The following VAV3 variants were observed in gnomAD, a reference collection of about 807,000 sequenced individuals.
The protein encoded by VAV3 is vav guanine nucleotide exchange factor 3.
VAV3 carries 94 observed loss-of-function variants against 131.2 expected under a neutral mutation model. The ratio of observed to expected loss-of-function variants is 0.72; its 90% CI spans 0.61 to 0.85. VAV3 has a LOEUF of 0.85. Ranked by LOEUF, VAV3 falls within the 40% of genes least tolerant of loss-of-function variation. The pLI, the probability that VAV3 is intolerant of heterozygous loss-of-function variation, is 0.00. For synonymous variants in VAV3, 349 were observed against 342.0 expected (o/e 1.02, Z -0.22); for missense variants, 939 against 1,002.7 (o/e 0.94, Z 0.86).
intron 17 of VAV3, among the ~76,000 whole-genome samples, chr1:107,692,438 T>C (rs868452807): frequency 3.9e-5 from 6 of 152,242 alleles, no homozygotes; most frequent in Middle Eastern, 6.8e-3. Flanking sequence ...AAGTATAAAA[T>C]TGTCTTTATG....
At position 107,891,149 on chromosome 1, in the gene VAV3, T is replaced by TAAA. The variant is rs11441971; in HGVS notation, c.205-16135_205-16133dup. Among the ~76,000 whole-genome samples the TAAA allele has an allele frequency of 6.5e-4, 96 of 147,360 alleles. 1 individual carries two copies. Among genetic ancestry groups the TAAA allele is most frequent in the African/African-American group, 2.3e-3 (91 of 39,998 alleles). ...CAATTATTGCTAGTGTCCCTTTCTT[T>TAAA]AAAAAAAAAAAAAATCTGATTTGGA... On this transcript the variant is annotated intron_variant, in intron 1 of 26. Transcript: ENST00000370056.
Position 107,770,740 on chromosome 1 carries a change from AT to A in VAV3, c.556-13del. ...TTTTCTGGACATTTCTGCAGTTAGA[AT>A]TATCAAAATAAAATGATTTAATAAA... On this transcript the variant is annotated splice_polypyrimidine_tract_variant and intron_variant, in intron 5 of 26. Coordinates refer to ENST00000370056, the MANE Select transcript of VAV3 (RefSeq NM_006113.5). 1 of 1,584,432 alleles carries A rather than the reference AT, an allele frequency of 6.3e-7. No individual in the cohort carries two copies. Among genetic ancestry groups the A allele is most frequent in the Non-Finnish European group, 8.6e-7 (1 of 1,161,204 alleles).
chr1:107,820,352 G>A (rs1667744620), intron 2 of VAV3, among the ~76,000 whole-genome samples: 1 of 152,164 alleles, frequency 6.6e-6, no homozygotes, highest in South Asian at 2.1e-4. Context: ...AGTGAAATGA[G>A]CCAGGCACAG....
chr1:107,709,579 T>C (rs535856281), intron 15 of VAV3, among the ~76,000 whole-genome samples: 11 of 152,344 alleles, frequency 7.2e-5, no homozygotes, highest in African/African-American at 2.2e-4. Flanking sequence ...GGTTTGGCTG[T>C]GTCCCCAACC....
Position 107,863,885 on chromosome 1 carries a change from C to T in VAV3, c.321+11016G>A, listed in dbSNP as rs1472025931. On this transcript the variant is annotated intron_variant, in intron 2 of 26. Coordinates refer to ENST00000370056, the MANE Select transcript of VAV3 (RefSeq NM_006113.5). ...TCTCAGTAGCTATGCCAAATGCAGA[C>T]GTAAAATCTAGGTGATATCTTTATC... is the stretch of plus-strand genomic sequence containing the variant. 4.6e-5 allele frequency among the ~76,000 whole-genome samples: 7 copies of T among 152,108 alleles called. No individual in the cohort carries two copies. In the East Asian group the frequency reaches 5.8e-4, roughly 13 times the overall value.
chr1:107,700,490 C>G (rs1020359782), intron 17 of VAV3, among the ~76,000 whole-genome samples: 2 of 152,078 alleles, frequency 1.3e-5, no homozygotes, highest in African/African-American at 4.8e-5. Context: ...GTGTGTTGTT[C>G]CCCTCCCTGT....
At chr1:107,780,816 A>T (rs750251866) in intron 2 of VAV3, among the ~76,000 whole-genome samples, 1 of 152,138 alleles carries the variant, frequency 6.6e-6, no homozygotes, top group Non-Finnish European at 1.5e-5. Context: ...GTGCCCGGCC[A>T]TAAAGTTTAT....
intron 21 of VAV3, among the ~76,000 whole-genome samples, chr1:107,613,282 G>T (rs2101178607): frequency 6.6e-6 from 1 of 152,126 alleles, no homozygotes; most frequent in East Asian, 1.9e-4. Context: ...ATAGAATCTG[G>T]AAAGTTCTCA....
At chr1:107,725,956 G>T (rs1340670185) in intron 15 of VAV3, among the ~76,000 whole-genome samples, 3 of 152,260 alleles carry the variant, frequency 2.0e-5, no homozygotes, top group African/African-American at 7.2e-5. Context: ...GTCCTGGGTA[G>T]TGGGTACTTT....
intron 19 of VAV3, among the ~76,000 whole-genome samples, chr1:107,647,794 C>T (rs1353088450): frequency 1.3e-5 from 2 of 152,006 alleles, no homozygotes; most frequent in Admixed American, 1.3e-4. Flanking sequence ...GAAATAAGTG[C>T]TGCCTGTCAT....
At chr1:107,940,296 G>T (rs1177790324) in intron 1 of VAV3, among the ~76,000 whole-genome samples, 1 of 152,140 alleles carries the variant, frequency 6.6e-6, no homozygotes, top group Non-Finnish European at 1.5e-5. Flanking sequence ...TATAAGGTCA[G>T]GCAAGACTAT....
intron 1 of VAV3, among the ~76,000 whole-genome samples, chr1:107,897,645 T>G (rs533368591): frequency 6.6e-6 from 1 of 152,222 alleles, no homozygotes; most frequent in South Asian, 2.1e-4. Context: ...ACCCTGCCCA[T>G]GACACCACGG....
rs555892096 is a variant in VAV3, at chr1:107,849,149, A to T, written c.321+25752T>A. On this transcript the variant is annotated intron_variant, in intron 2 of 26. Transcript: ENST00000370056. ...TATCGTGAAAATGGCCATACCGCCCAAAGTAATTTGTAGATTCAATGCTAC... is the reference window on the plus strand; with the variant it reads ...TATCGTGAAAATGGCCATACCGCCCTAAGTAATTTGTAGATTCAATGCTAC... 2.6e-5 allele frequency among the ~76,000 whole-genome samples: 4 copies of T among 152,298 alleles called. No homozygotes were observed. In the South Asian group the frequency reaches 8.3e-4, roughly 32 times the overall value.
intron 1 of VAV3, among the ~76,000 whole-genome samples, chr1:107,887,125 G>A (rs1356339370): frequency 1.3e-5 from 2 of 152,150 alleles, no homozygotes; most frequent in African/African-American, 2.4e-5. Context: ...CAACCCTAAG[G>A]CTCTGGGCCA....
intron 1 of VAV3, among the ~76,000 whole-genome samples, chr1:107,938,217 C>A (rs17020424): frequency 6.6e-6 from 1 of 152,004 alleles, no homozygotes; most frequent in Admixed American, 6.6e-5. Context: ...AGGCGATCCC[C>A]GAGCCAGAAA....
At chr1:107,822,689 T>C (rs921669422) in intron 2 of VAV3, among the ~76,000 whole-genome samples, 87 of 128,412 alleles carry the variant, frequency 6.8e-4, no homozygotes, top group Non-Finnish European at 2.7e-4. Flanking sequence ...AATAAATAAA[T>C]AATAAAAAAA....
chr1:107,952,278 G>A (rs1412641518), intron 1 of VAV3, among the ~76,000 whole-genome samples: 1 of 151,550 alleles, frequency 6.6e-6, no homozygotes, highest in South Asian at 2.1e-4. Flanking sequence ...ATGGGCACAC[G>A]GAGGGGAACC....
At chr1:107,726,599 T>C (rs1661857446) in intron 15 of VAV3, among the ~76,000 whole-genome samples, 1 of 152,204 alleles carries the variant, frequency 6.6e-6, no homozygotes, top group African/African-American at 2.4e-5. Context: ...GATCACACAC[T>C]TTCTGTGCTT....
At chr1:107,855,221 C>T (rs115228465) in intron 2 of VAV3, among the ~76,000 whole-genome samples, 2,357 of 152,270 alleles carry the variant, frequency 0.015, 47 homozygotes, top group African/African-American at 0.045. Context: ...GAACAGCATT[C>T]TACTGTCTGT....
Sources: gnomAD v4.1 joint callset for allele counts (sites outside exome capture counted in the v4.1 genomes callset) on GRCh38, gnomAD v4.1.1 for gene constraint, MANE v1.5 for transcripts, NCBI Gene and HGNC (gene_info 2026-07-23, HGNC 2026-07-21) for gene names.